TMEM132D: variants seen among roughly 807,000 people sequenced by gnomAD.
TMEM132D encodes the protein mature OL transmembrane protein.
In TMEM132D, 21 loss-of-function variants were observed where a neutral mutation model predicts 62.3. That is an observed-to-expected ratio of 0.34 (90% CI 0.24 to 0.49). The LOEUF (loss-of-function observed/expected upper bound fraction) is 0.49, where lower values mean the gene tolerates loss of function less well. TMEM132D is among the 20% of genes least tolerant of loss of function. The pLI is 0.99. For synonymous variants in TMEM132D, 621 were observed against 575.6 expected, an observed-to-expected ratio of 1.08 and a Z score of -1.13; for missense variants, 1,346 against 1,402.8, an observed-to-expected ratio of 0.96 and a Z score of 0.65.
chr12:129,780,737 T>C (rs1871096062), intron 1 of TMEM132D, among the ~76,000 whole-genome samples: 1 of 152,180 alleles, frequency 6.6e-6, no homozygotes, highest in Admixed American at 6.5e-5. Context: ...GATAAATACC[T>C]GAAAAGGACC....
chr12:129,295,843 A>G (rs75790441), intron 4 of TMEM132D, among the ~76,000 whole-genome samples: 1 of 152,152 alleles, frequency 6.6e-6, no homozygotes. Flanking sequence ...TGCTATATCA[A>G]TACTTGTTAT....
intron 1 of TMEM132D, among the ~76,000 whole-genome samples, chr12:129,784,818 G>A (rs2137293626): frequency 6.6e-6 from 1 of 152,116 alleles, no homozygotes; most frequent in Middle Eastern, 3.4e-3. Context: ...TAATTTTCAT[G>A]CCACTGTCCA....
intron 4 of TMEM132D, among the ~76,000 whole-genome samples, chr12:129,295,427 C>CTTTTTT (rs556748373): frequency 2.4e-5 from 3 of 123,024 alleles, no homozygotes; most frequent in African/African-American, 3.1e-5. Context: ...TCATATTAGC[C>CTTTTTT]TTTTTTTTTT....
chr12:129,622,690 G>A (rs958059823), intron 2 of TMEM132D, among the ~76,000 whole-genome samples: 1 of 152,148 alleles, frequency 6.6e-6, no homozygotes, highest in Non-Finnish European at 1.5e-5. Flanking sequence ...TTTCATCTAC[G>A]TAGAACCTGG....
At chr12:129,464,110 A>G (rs1193211971) in intron 3 of TMEM132D, among the ~76,000 whole-genome samples, 2 of 148,944 alleles carry the variant, frequency 1.3e-5, no homozygotes, top group East Asian at 2.0e-4. Context: ...AAGTGTTCCT[A>G]TTTCTCCACA....
intron 1 of TMEM132D, among the ~76,000 whole-genome samples, chr12:129,802,052 C>G (rs1871807495): frequency 6.7e-6 from 1 of 148,390 alleles, no homozygotes; most frequent in Non-Finnish European, 1.5e-5. Context: ...AAGACCAAAT[C>G]TACGTCTGAT....
chr12:129,326,295 G>T (rs1868907138), intron 4 of TMEM132D, among the ~76,000 whole-genome samples: 1 of 152,082 alleles, frequency 6.6e-6, no homozygotes. Flanking sequence ...GGGGATTGTA[G>T]GGGGGGATTT....
rs375736222 is a variant in TMEM132D, at chr12:129,164,147, C to A, written c.1443+45373G>T. ...ACAAAACAGCCTGGACTGAAAAAAACCACAACACAGCCTGGAAGCTGGTGG... is the reference window on the plus strand; with the variant it reads ...ACAAAACAGCCTGGACTGAAAAAAAACACAACACAGCCTGGAAGCTGGTGG... On this transcript the variant is annotated intron_variant, in intron 5 of 8. Transcript: ENST00000422113. Among the ~76,000 whole-genome samples the A allele has an allele frequency of 3.2e-4, 49 of 152,300 alleles. 1 individual carries two copies. Among genetic ancestry groups the A allele is most frequent in the East Asian group, 2.3e-3 (12 of 5,178 alleles).
intron 3 of TMEM132D, among the ~76,000 whole-genome samples, chr12:129,398,370 A>C (rs1284162793): frequency 6.6e-6 from 1 of 152,118 alleles, no homozygotes; most frequent in African/African-American, 2.4e-5. Context: ...TTCTCACTTG[A>C]TTGTGTCTAA....
rs1472943715 is a variant in TMEM132D, at chr12:129,336,698, G to A, written c.1299+936C>T. On this transcript the variant is annotated intron_variant, in intron 4 of 8. Transcript: ENST00000422113. ...GGGACTGAGGACTCGTATAGGCCAT[G>A]AGGAACGATGGGGTTTAGAAGAGGC... is the stretch of plus-strand genomic sequence containing the variant. Among the ~76,000 whole-genome samples, 6 of 152,214 alleles carry A rather than the reference G, an allele frequency of 3.9e-5. No homozygotes were observed. The East Asian group carries it at 9.6e-4, about 24-fold the overall frequency.
chr12:129,153,242 T>TC (rs1322393844), intron 5 of TMEM132D, among the ~76,000 whole-genome samples: 1 of 151,892 alleles, frequency 6.6e-6, no homozygotes, highest in Non-Finnish European at 1.5e-5. Context: ...AGGAAAGGAG[T>TC]CAGCCGCGAT....
At chr12:129,207,194 C>T (rs1055099425) in intron 5 of TMEM132D, among the ~76,000 whole-genome samples, 15 of 150,938 alleles carry the variant, frequency 9.9e-5, no homozygotes, top group African/African-American at 3.7e-4. Flanking sequence ...ACAAAGTGGA[C>T]CCAAACAGCA....
chr12:129,479,678 G>T (rs1426166830), intron 3 of TMEM132D, among the ~76,000 whole-genome samples: 1 of 152,240 alleles, frequency 6.6e-6, no homozygotes, highest in African/African-American at 2.4e-5. Flanking sequence ...CCGTGTGAGG[G>T]TCTGAAGAAC....
chr12:129,296,724 G>GA (rs1449974179), intron 4 of TMEM132D, among the ~76,000 whole-genome samples: 2 of 152,212 alleles, frequency 1.3e-5, no homozygotes, highest in Non-Finnish European at 2.9e-5. Flanking sequence ...CTGGAAAACA[G>GA]AGCCTGAAGC....
At chr12:129,668,647 G>A (rs1396521696) in intron 2 of TMEM132D, among the ~76,000 whole-genome samples, 3 of 152,252 alleles carry the variant, frequency 2.0e-5, no homozygotes, top group Non-Finnish European at 4.4e-5. Context: ...ATATACCCCT[G>A]TGAACAAAAT....
At chr12:129,880,899 T>C (rs1294693999) in intron 1 of TMEM132D, among the ~76,000 whole-genome samples, 1 of 152,032 alleles carries the variant, frequency 6.6e-6, no homozygotes, top group East Asian at 1.9e-4. Flanking sequence ...GAAATGCAAA[T>C]TGTTTAATCA....
chr12:129,542,074 G>T (rs2137098412), intron 2 of TMEM132D, among the ~76,000 whole-genome samples: 1 of 152,262 alleles, frequency 6.6e-6, no homozygotes, highest in South Asian at 2.1e-4. Context: ...TCCAAATGTA[G>T]CCAAGTCAAT....
intron 1 of TMEM132D, among the ~76,000 whole-genome samples, chr12:129,771,134 A>G (rs1435862025): frequency 6.6e-6 from 1 of 152,176 alleles, no homozygotes; most frequent in Non-Finnish European, 1.5e-5. Context: ...ATGTCTGCAG[A>G]ATGTGTGTAC....
intron 2 of TMEM132D, among the ~76,000 whole-genome samples, chr12:129,623,125 T>C (rs1009993933): frequency 3.3e-5 from 5 of 152,204 alleles, no homozygotes; most frequent in African/African-American, 1.2e-4. Context: ...GATTTACTTG[T>C]CCCTGAAGCA....
Sources: gnomAD v4.1 joint callset for allele counts (sites outside exome capture counted in the v4.1 genomes callset) on GRCh38, gnomAD v4.1.1 for gene constraint, MANE v1.5 for transcripts, NCBI Gene and HGNC (gene_info 2026-07-23, HGNC 2026-07-21) for gene names.